Variants in WDR70 observed in about 807,000 individuals in gnomAD.
WDR70 encodes WD repeat domain 70, also known as WD repeat-containing protein 70.
WDR70 carries 53 observed loss-of-function variants against 88.6 expected under a neutral mutation model. That is an observed-to-expected ratio of 0.60 (90% confidence interval 0.48 to 0.75). WDR70 has a LOEUF of 0.75. Among genes scored for constraint, WDR70 ranks in the 30% least tolerant of loss-of-function variants. The probability of loss-of-function intolerance (pLI) is 0.00; values close to 1 mark genes in which losing one functional copy is unlikely to be tolerated. For missense variants in WDR70, 610 were observed against 823.2 expected, an observed-to-expected ratio of 0.74 and a Z score of 3.17; for synonymous variants, 280 against 270.0, an observed-to-expected ratio of 1.04 and a Z score of -0.36.
chr5:37,486,346 A>AT (rs34237067), intron 8 of WDR70, among the ~76,000 whole-genome samples: 86,758 of 146,012 alleles, frequency 0.59, 26,881 homozygotes, highest in Non-Finnish European at 0.69. Context: ...TTCAAATATA[A>AT]TTTTTTTTTT....
chr5:37,492,750 A>G (rs1202028148), intron 8 of WDR70, among the ~76,000 whole-genome samples: 1 of 152,220 alleles, frequency 6.6e-6, no homozygotes, highest in East Asian at 1.9e-4. Flanking sequence ...TCCGTATAGT[A>G]AAATATGAGA....
chr5:37,614,740 C>G (rs959346730), intron 10 of WDR70, among the ~76,000 whole-genome samples: 3 of 152,280 alleles, frequency 2.0e-5, no homozygotes, highest in Admixed American at 6.5e-5. Context: ...ATTTTGACCC[C>G]TGTCATATAG....
intron 8 of WDR70, among the ~76,000 whole-genome samples, chr5:37,484,178 C>T (rs1269195106): frequency 2.0e-5 from 3 of 152,344 alleles, no homozygotes; most frequent in South Asian, 2.1e-4. Flanking sequence ...GCTGTAATCT[C>T]GGCACTTTGG....
chr5:37,593,943 GTCT>G (rs1743617839), intron 9 of WDR70, among the ~76,000 whole-genome samples: 1 of 152,190 alleles, frequency 6.6e-6, no homozygotes, highest in South Asian at 2.1e-4. Flanking sequence ...CTGCATAAAT[GTCT>G]TCTTTTGAGA....
intron 5 of WDR70, among the ~76,000 whole-genome samples, chr5:37,401,077 C>T (rs931632620): frequency 2.6e-5 from 4 of 151,042 alleles, no homozygotes; most frequent in African/African-American, 7.3e-5. Flanking sequence ...AAGCTCACTA[C>T]ATCCTTGACC....
chr5:37,461,127 A>G (rs1404111181), intron 7 of WDR70, among the ~76,000 whole-genome samples: 1 of 136,660 alleles, frequency 7.3e-6, no homozygotes, highest in African/African-American at 3.5e-5. Flanking sequence ...AAAAAAAAAT[A>G]AAGGGTTGTG....
In WDR70 at chr5:37,406,363, C is replaced by T. The variant is rs56379432; in HGVS notation, c.492+9793C>T. On this transcript the variant is annotated intron_variant, in intron 5 of 17. Coordinates refer to ENST00000265107, the MANE Select transcript of WDR70 (RefSeq NM_018034.4). ...CTTCAGTGTTAGTAGCCACTAAAGT[C>T]TCCCAGCTTCCATTCCATTCTTGAC... is the stretch of plus-strand genomic sequence containing the variant. Among the ~76,000 whole-genome samples the T allele has an allele frequency of 7.6e-3, 1,162 of 152,304 alleles. 10 individuals carry two copies. Among genetic ancestry groups the T allele is most frequent in the Non-Finnish European group, 0.013 (859 of 68,030 alleles).
chr5:37,632,373 C>T (rs747463236), intron 10 of WDR70, among the ~76,000 whole-genome samples: 2 of 152,084 alleles, frequency 1.3e-5, no homozygotes, highest in Non-Finnish European at 2.9e-5. Context: ...TGTAAAACAT[C>T]CTCAGGTTCT....
intron 9 of WDR70, among the ~76,000 whole-genome samples, chr5:37,558,138 T>C (rs919868753): frequency 3.9e-5 from 6 of 151,946 alleles, no homozygotes; most frequent in Non-Finnish European, 7.4e-5. Flanking sequence ...TTCATTTGTT[T>C]TTAGATGCAA....
intron 8 of WDR70, among the ~76,000 whole-genome samples, chr5:37,497,025 T>C (rs1342076096): frequency 6.6e-6 from 1 of 152,202 alleles, no homozygotes. Context: ...GGAATGTTTC[T>C]TTTATTGCAA....
chr5:37,385,986 T>TC (rs2111861045), intron 3 of WDR70, among the ~76,000 whole-genome samples: 1 of 150,798 alleles, frequency 6.6e-6, no homozygotes, highest in South Asian at 2.1e-4. Context: ...TTTTTTTTTT[T>TC]GTATTTTTAG....
At chr5:37,672,745 G>A (rs1490009211) in intron 10 of WDR70, among the ~76,000 whole-genome samples, 2 of 152,114 alleles carry the variant, frequency 1.3e-5, no homozygotes, top group East Asian at 3.9e-4. Flanking sequence ...CAGTGCCGGT[G>A]CAGGTCCTCC....
intron 3 of WDR70, among the ~76,000 whole-genome samples, chr5:37,382,101 G>GGTTT (rs1554135558): frequency 9.1e-6 from 1 of 110,274 alleles, no homozygotes; most frequent in Non-Finnish European, 1.6e-5. Context: ...TATCACTGTT[G>GGTTT]TTTTTTTTTT....
At chr5:37,534,933 C>A (rs1366138533) in intron 9 of WDR70, among the ~76,000 whole-genome samples, 1 of 151,576 alleles carries the variant, frequency 6.6e-6, no homozygotes, top group Admixed American at 6.6e-5. Flanking sequence ...TTTTTCTCAC[C>A]TCAGAGTGTA....
chr5:37,481,330 G>GC (rs112035755), intron 8 of WDR70, among the ~76,000 whole-genome samples: 6,276 of 151,358 alleles, frequency 0.041, 465 homozygotes, highest in African/African-American at 0.14. Context: ...ATCCATGAGG[G>GC]CCCCCCCCGC....
intron 7 of WDR70, among the ~76,000 whole-genome samples, chr5:37,453,362 T>G (rs1259815637): frequency 6.6e-6 from 1 of 152,242 alleles, no homozygotes; most frequent in East Asian, 1.9e-4. Context: ...GATATTCGAT[T>G]AACTAAAAGT....
intron 16 of WDR70, among the ~76,000 whole-genome samples, chr5:37,725,362 G>A (rs1747941605): frequency 2.0e-5 from 3 of 151,970 alleles, no homozygotes; most frequent in African/African-American, 2.4e-5. Flanking sequence ...TTGGAACCCA[G>A]TGTTAAAACC....
chr5:37,575,161 A>G (rs565348475), intron 9 of WDR70, among the ~76,000 whole-genome samples: 41 of 152,296 alleles, frequency 2.7e-4, no homozygotes, highest in Admixed American at 1.1e-3. Context: ...AGATTGAATG[A>G]ATCACTTCTT....
intron 7 of WDR70, among the ~76,000 whole-genome samples, chr5:37,452,013 C>A (rs565541984): frequency 1.1e-4 from 17 of 151,812 alleles, no homozygotes; most frequent in South Asian, 2.1e-4. Flanking sequence ...ACAACAACAA[C>A]AAAAAAGAAA....
Sources: gnomAD v4.1 joint callset for allele counts (sites outside exome capture counted in the v4.1 genomes callset) on GRCh38, gnomAD v4.1.1 for gene constraint, MANE v1.5 for transcripts, NCBI Gene and HGNC (gene_info 2026-07-23, HGNC 2026-07-21) for gene names.